The following COBL variants were observed in gnomAD, a reference collection of about 807,000 sequenced individuals.
The protein encoded by COBL is protein cordon-bleu.
Under a neutral mutation model 98.8 loss-of-function variants are expected in COBL, and 51 were observed. The ratio of observed to expected loss-of-function variants is 0.52; its 90% CI spans 0.41 to 0.65. COBL has a LOEUF of 0.65. COBL is among the 30% of genes least tolerant of loss of function. The probability of loss-of-function intolerance (pLI) is 0.00; values close to 1 mark genes in which losing one functional copy is unlikely to be tolerated. For missense variants in COBL, 1,617 were observed against 1,617.5 expected, an observed-to-expected ratio of 1.00 and a Z score of 0.01; for synonymous variants, 634 against 651.7, an observed-to-expected ratio of 0.97 and a Z score of 0.41.
intron 1 of COBL, among the ~76,000 whole-genome samples, chr7:51,225,270 G>A (rs1369990934): frequency 6.6e-6 from 1 of 152,222 alleles, no homozygotes; most frequent in Non-Finnish European, 1.5e-5. Flanking sequence ...TTACCAAGCA[G>A]GGGATGCCTT....
rs117695396 is a variant in COBL at position 51,058,975 on chromosome 7, A to G, written c.1097-15283T>C. Reference sequence around the variant, plus strand: ...TCTCTGGCTGCGCTCATGTCCTCCCATGTCCCCAGACTGCACATGTTAGGG... The same window carrying G: ...TCTCTGGCTGCGCTCATGTCCTCCCGTGTCCCCAGACTGCACATGTTAGGG... On this transcript the variant is annotated intron_variant, in intron 7 of 12. Transcript: ENST00000265136. Among the ~76,000 whole-genome samples the G allele has an allele frequency of 6.6e-4, 101 of 152,296 alleles. 1 individual carries two copies. In the East Asian group the frequency reaches 0.015, roughly 22 times the overall value.
chr7:51,164,025 AATCCC>A (rs1787065060), intron 5 of COBL, among the ~76,000 whole-genome samples: 1 of 152,234 alleles, frequency 6.6e-6, no homozygotes, highest in Admixed American at 6.5e-5. Flanking sequence ...GGCTTTTGCC[AATCCC>A]ATAGGTGATG....
chr7:51,191,873 A>G (rs1211508327), intron 3 of COBL, among the ~76,000 whole-genome samples: 1 of 152,310 alleles, frequency 6.6e-6, no homozygotes, highest in Non-Finnish European at 1.5e-5. Context: ...TAGATTGAAC[A>G]AAAGAGCAGC....
chr7:51,067,045 T>C (rs947910733), intron 7 of COBL, among the ~76,000 whole-genome samples: 1 of 152,126 alleles, frequency 6.6e-6, no homozygotes, highest in Non-Finnish European at 1.5e-5. Context: ...GAGGCCAAAG[T>C]GGACAAGTTC....
intron 7 of COBL, chr7:51,083,144 T>A: frequency 7.2e-7 from 1 of 1,395,974 alleles, no homozygotes; most frequent in African/African-American, 1.6e-5. Context: ...GGGAGGAGGG[T>A]AGGGCGGGGG....
chr7:51,280,516 T>C (rs1563121861), intron 1 of COBL, among the ~76,000 whole-genome samples: 1 of 152,256 alleles, frequency 6.6e-6, no homozygotes, highest in Non-Finnish European at 1.5e-5. Context: ...TTTTTTCTCC[T>C]TTCTCTTTTC....
chr7:51,232,182 C>T (rs914141496), intron 1 of COBL, among the ~76,000 whole-genome samples: 1 of 152,148 alleles, frequency 6.6e-6, no homozygotes, highest in Non-Finnish European at 1.5e-5. Context: ...CTAATCCATT[C>T]TACAAACCAC....
At chr7:51,192,811 T>C (rs1488138256) in intron 3 of COBL, among the ~76,000 whole-genome samples, 3 of 152,182 alleles carry the variant, frequency 2.0e-5, no homozygotes, top group South Asian at 2.1e-4. Flanking sequence ...CTTCTATGGA[T>C]ACCAACTGCT....
Position 51,056,780 on chromosome 7 carries a change from C to A in COBL, c.1097-13088G>T, listed in dbSNP as rs1323228812. Among the ~76,000 whole-genome samples, 3 of 150,276 alleles carry A rather than the reference C, an allele frequency of 2.0e-5. No individual in the cohort carries two copies. In the Admixed American group the frequency reaches 2.0e-4, roughly 10 times the overall value. ...AAGTGAGTGGAGAAAAGCGAAATGACTAATAACTATGCTTGTATACAGTGC... is the reference window on the plus strand; with the variant it reads ...AAGTGAGTGGAGAAAAGCGAAATGAATAATAACTATGCTTGTATACAGTGC... On this transcript the variant is annotated intron_variant, in intron 7 of 12. Coordinates refer to ENST00000265136, the MANE Select transcript of COBL (RefSeq NM_015198.5).
chr7:51,023,823 T>C (rs1318153852), intron 12 of COBL, among the ~76,000 whole-genome samples: 1 of 152,216 alleles, frequency 6.6e-6, no homozygotes, highest in Non-Finnish European at 1.5e-5. Flanking sequence ...AGCACACAGC[T>C]TGTGACCTGG....
At chr7:51,243,548 G>A (rs1299178403) in intron 1 of COBL, among the ~76,000 whole-genome samples, 7 of 152,242 alleles carry the variant, frequency 4.6e-5, no homozygotes, top group African/African-American at 1.7e-4. Context: ...AAACTCTGGT[G>A]CACCCGTGCC....
At chr7:51,176,309 G>T (rs1418818322) in intron 5 of COBL, among the ~76,000 whole-genome samples, 4 of 152,090 alleles carry the variant, frequency 2.6e-5, no homozygotes, top group African/African-American at 9.7e-5. Flanking sequence ...ATTTGTCCTG[G>T]CTAAAATCTG....
chr7:51,078,853 T>G (rs6950779), intron 7 of COBL, among the ~76,000 whole-genome samples: 45,916 of 152,100 alleles, frequency 0.3, 7,434 homozygotes, highest in Non-Finnish European at 0.38. Context: ...TCGCTGGCAG[T>G]TGGCTGAAGT....
At chr7:51,036,481 T>C (rs914704758) in intron 8 of COBL, among the ~76,000 whole-genome samples, 1 of 151,996 alleles carries the variant, frequency 6.6e-6, no homozygotes, top group Non-Finnish European at 1.5e-5. Context: ...TTCTAAATGC[T>C]CCTGTGTCAC....
intron 4 of COBL, chr7:51,187,783 A>T: frequency 1.5e-6 from 1 of 649,778 alleles, no homozygotes; most frequent in Non-Finnish European, 2.2e-6. Flanking sequence ...ATGCACCTTC[A>T]GGAGGGCCCC....
At position 51,018,891 on chromosome 7, in the gene COBL, C is replaced by CAAAAAAAAA. The variant is rs11433270; in HGVS notation, c.3769-1332_3769-1324dup. ...GGGCAACAAGAGAGAAACTCCATCT[C>CAAAAAAAAA]AAAAAAAAAAAAAAATATATATATA... On this transcript the variant is annotated intron_variant, in intron 12 of 12. Transcript: ENST00000265136. 1.3e-3 allele frequency among the ~76,000 whole-genome samples: 9 copies of CAAAAAAAAA among 6,808 alleles called. 1 individual carries two copies. Among genetic ancestry groups the CAAAAAAAAA allele is most frequent in the African/African-American group, 2.2e-3 (4 of 1,802 alleles). The allele number at this position is 6,808 out of a possible 152,430, so 4.5% of individuals were successfully genotyped here.
At chr7:51,250,057 G>A (rs556085364) in intron 1 of COBL, among the ~76,000 whole-genome samples, 12 of 151,714 alleles carry the variant, frequency 7.9e-5, no homozygotes, top group African/African-American at 2.9e-4. Context: ...AGCCAAGATC[G>A]CACCACTGCA....
chr7:51,028,392 C>T lies in COBL; in HGVS notation c.2704G>A (p.Val902Met), dbSNP rs1787796997. Residue 902 changes from valine (V) to methionine (M), a missense_variant, in exon 10 of 13, where the codon GTG (valine) becomes ATG (methionine). Coordinates refer to ENST00000265136, the MANE Select transcript of COBL (RefSeq NM_015198.5). ...ACAGTGACAGGTGGTGCAGCCAGCA[C>T]TGGCGCCTTGCCTGCATAACCCTTC... ...AEKGYAGKAPVLAAPPVTVKD... is the reference protein window; with the variant it reads ...AEKGYAGKAPMLAAPPVTVKD... The T allele has an allele frequency of 6.2e-7, 1 of 1,614,274 alleles. No homozygotes were observed. The highest frequency in any genetic ancestry group is 1.1e-5 in the South Asian group (1 of 91,088).
At chr7:51,057,341 C>A (rs1448032393) in intron 7 of COBL, among the ~76,000 whole-genome samples, 1 of 152,122 alleles carries the variant, frequency 6.6e-6, no homozygotes, top group Non-Finnish European at 1.5e-5. Flanking sequence ...CATACACACA[C>A]ACACACACAC....
Sources: allele counts gnomAD v4.1 joint callset (sites outside exome capture counted in the v4.1 genomes callset), GRCh38; gene constraint gnomAD v4.1.1; transcripts MANE v1.5; gene names NCBI Gene and HGNC (gene_info 2026-07-23, HGNC 2026-07-21).